PIGL: variants seen among roughly 807,000 people sequenced by gnomAD.
PIGL encodes the protein N-acetylglucosaminyl-phosphatidylinositol de-N-acetylase.
In PIGL, 22 loss-of-function variants were observed where a neutral mutation model predicts 31.1. The ratio of observed to expected loss-of-function variants is 0.71; its 90% CI spans 0.51 to 1.01. PIGL has a LOEUF of 1.01. PIGL is among the 50% of genes least tolerant of loss of function. The pLI, the probability that PIGL is intolerant of heterozygous loss-of-function variation, is 0.00. For synonymous variants in PIGL, 131 were observed against 117.4 expected, an observed-to-expected ratio of 1.12 and a Z score of -0.75; for missense variants, 302 against 315.9, an observed-to-expected ratio of 0.96 and a Z score of 0.33.
intron 2 of PIGL, among the ~76,000 whole-genome samples, chr17:16,259,981 G>A (rs1035129986): frequency 2.0e-5 from 3 of 152,222 alleles, no homozygotes; most frequent in African/African-American, 7.2e-5. Flanking sequence ...CAATTTTGGA[G>A]CAAAGTTGAG....
intron 2 of PIGL, among the ~76,000 whole-genome samples, chr17:16,245,520 A>G (rs754135400): frequency 6.6e-6 from 1 of 150,768 alleles, no homozygotes; most frequent in Non-Finnish European, 1.5e-5. Flanking sequence ...ATATATATAT[A>G]TATTTGAGAC....
chr17:16,219,051 G>A (rs1160570961), intron 1 of PIGL, among the ~76,000 whole-genome samples: 1 of 146,380 alleles, frequency 6.8e-6, no homozygotes, highest in Non-Finnish European at 1.5e-5. Context: ...AGCATTGACT[G>A]ACATTTTTTA....
At chr17:16,246,775 T>C (rs1181329232) in intron 2 of PIGL, among the ~76,000 whole-genome samples, 1 of 144,428 alleles carries the variant, frequency 6.9e-6, no homozygotes, top group Non-Finnish European at 1.5e-5. Flanking sequence ...AAGCTCTGCT[T>C]CCCGGGTTCA....
chr17:16,318,578 T>TTA (rs751869057), intron 6 of PIGL, among the ~76,000 whole-genome samples: 265 of 151,764 alleles, frequency 1.7e-3, no homozygotes, highest in Non-Finnish European at 3.4e-3. Context: ...GCCCTACTCT[T>TTA]TATATATATA....
chr17:16,315,986 G>T (rs1177610769), intron 4 of PIGL, among the ~76,000 whole-genome samples: 1 of 151,928 alleles, frequency 6.6e-6, no homozygotes, highest in Non-Finnish European at 1.5e-5. Context: ...GTGAGCCACC[G>T]CGCCCGGCTC....
intron 2 of PIGL, among the ~76,000 whole-genome samples, chr17:16,258,069 A>AAGAGAGAGAGAGAGAGAGAGAG (rs749459552): frequency 5.5e-5 from 5 of 90,474 alleles, no homozygotes; most frequent in Admixed American, 2.7e-4. Context: ...GTCAGAAAGA[A>AAGAGAGAGAGAGAGAGAGAGAG]AGAGAGAGAG....
At chr17:16,217,506 G>A (rs2092592436) in intron 1 of PIGL, 45 bp downstream of exon 1, 1 of 1,453,996 alleles carries the variant, frequency 6.9e-7, no homozygotes, top group Non-Finnish European at 9.6e-7. Context: ...GCTTTGAAAG[G>A]GATTTAAGTG....
intron 1 of PIGL, among the ~76,000 whole-genome samples, chr17:16,226,162 A>G (rs2092651326): frequency 6.6e-6 from 1 of 152,054 alleles, no homozygotes; most frequent in African/African-American, 2.4e-5. Flanking sequence ...CTCAAAAACA[A>G]ACAACAACAA....
At chr17:16,257,722 G>A (rs35594899) in intron 2 of PIGL, among the ~76,000 whole-genome samples, 1 of 151,718 alleles carries the variant, frequency 6.6e-6, no homozygotes, top group Non-Finnish European at 1.5e-5. Context: ...TTTTAATGGG[G>A]TTTGAGAGAA....
chr17:16,271,989 G>A (rs2092875303), intron 2 of PIGL, among the ~76,000 whole-genome samples: 1 of 152,060 alleles, frequency 6.6e-6, no homozygotes, highest in South Asian at 2.1e-4. Context: ...CCCCCGCAAA[G>A]CACTGTGATT....
intron 3 of PIGL, among the ~76,000 whole-genome samples, chr17:16,303,628 T>C (rs1440093150): frequency 6.6e-6 from 1 of 151,498 alleles, no homozygotes; most frequent in African/African-American, 2.4e-5. Flanking sequence ...AACCTCCGCC[T>C]CCCGGGTTCA....
rs138117587 is a variant in PIGL, at chr17:16,258,190, T to C, written c.335+24120T>C. Among the ~76,000 whole-genome samples, 379 of 147,520 alleles carry C rather than the reference T, an allele frequency of 2.6e-3. 6 individuals are homozygous for C. Among genetic ancestry groups the C allele is most frequent in the African/African-American group, 8.9e-3 (359 of 40,536 alleles). The stretch of plus-strand genomic sequence containing the variant: ...GGAAGTAGACTTTTTTTTTCTTTTT[T>C]TTTTTTTTAGATGGAGTCTTGCTCT... On this transcript the variant is annotated intron_variant, in intron 2 of 6. Transcript: ENST00000225609.
chr17:16,246,711 C>A (rs1442713629), intron 2 of PIGL, among the ~76,000 whole-genome samples: 3 of 59,180 alleles, frequency 5.1e-5, no homozygotes, highest in Non-Finnish European at 1.2e-4. Flanking sequence ...CGGAGTCTCG[C>A]TCTGTCGCCC....
intron 6 of PIGL, among the ~76,000 whole-genome samples, chr17:16,324,712 G>T (rs1422840464): frequency 4.6e-5 from 7 of 152,172 alleles, no homozygotes; most frequent in African/African-American, 1.7e-4. Flanking sequence ...ATAAAAGTTT[G>T]TGAAGATATT....
intron 1 of PIGL, chr17:16,217,749 C>T (rs935520960): frequency 2.6e-6 from 1 of 389,322 alleles, no homozygotes; most frequent in African/African-American, 2.0e-5. Context: ...TCCACCTGTA[C>T]TTGTTATTCT....
chr17:16,325,136 G>C (rs1169564628), intron 6 of PIGL, among the ~76,000 whole-genome samples: 1 of 151,954 alleles, frequency 6.6e-6, no homozygotes, highest in Non-Finnish European at 1.5e-5. Flanking sequence ...ACTAGGTCAG[G>C]AGATCGAGAC....
intron 2 of PIGL, among the ~76,000 whole-genome samples, chr17:16,235,645 A>C (rs2092696583): frequency 6.7e-6 from 1 of 149,812 alleles, no homozygotes; most frequent in Admixed American, 6.7e-5. Context: ...ATGGGGTTTC[A>C]CCATATTGGC....
chr17:16,240,882 TGGG>T, intron 2 of PIGL, among the ~76,000 whole-genome samples: 1 of 149,912 alleles, frequency 6.7e-6, no homozygotes, highest in East Asian at 2.0e-4. Context: ...GCCGAGGGGG[TGGG>T]GGGCAGATCA....
At chr17:16,239,757 C>T (rs1268157692) in intron 2 of PIGL, among the ~76,000 whole-genome samples, 1 of 151,268 alleles carries the variant, frequency 6.6e-6, no homozygotes, top group African/African-American at 2.4e-5. Context: ...AGGGTAGCAG[C>T]AACTGAGATG....
Sources: gnomAD v4.1 joint callset for allele counts (sites outside exome capture counted in the v4.1 genomes callset) on GRCh38, gnomAD v4.1.1 for gene constraint, MANE v1.5 for transcripts, NCBI Gene and HGNC (gene_info 2026-07-23, HGNC 2026-07-21) for gene names.